The following MBD5 variants were observed in gnomAD, a reference collection of about 807,000 sequenced individuals.
MBD5 encodes the protein methyl-CpG-binding domain protein 5.
Under a neutral mutation model 117.3 loss-of-function variants are expected in MBD5, and 13 were observed. The ratio of observed to expected loss-of-function variants is 0.11; its 90% CI spans 0.07 to 0.18. MBD5 has a LOEUF of 0.18. Among genes scored for constraint, MBD5 ranks in the 10% least tolerant of loss-of-function variants. The pLI, the probability that MBD5 is intolerant of heterozygous loss-of-function variation, is 1.00. For synonymous variants in MBD5, 727 were observed against 766.4 expected (o/e 0.95, Z 0.85); for missense variants, 1,879 against 2,093.8 (o/e 0.90, Z 2.00).
intron 4 of MBD5, among the ~76,000 whole-genome samples, chr2:148,386,418 T>C (rs1282746530): frequency 2.0e-5 from 3 of 152,132 alleles, no homozygotes; most frequent in Admixed American, 6.5e-5. Flanking sequence ...ATTTAAAAGA[T>C]AAGAAGATAC....
chr2:148,106,151 G>A (rs995992934), intron 1 of MBD5, among the ~76,000 whole-genome samples: 1 of 151,908 alleles, frequency 6.6e-6, no homozygotes, highest in African/African-American at 2.4e-5. Flanking sequence ...TTTATATAAG[G>A]ATAATTGTTG....
chr2:148,111,730 A>T (rs1696507739), intron 1 of MBD5, among the ~76,000 whole-genome samples: 1 of 152,140 alleles, frequency 6.6e-6, no homozygotes, highest in South Asian at 2.1e-4. Context: ...CAAAAATTAT[A>T]GTATATATAC....
chr2:148,036,771 A>G (rs1431508372), intron 1 of MBD5, among the ~76,000 whole-genome samples: 1 of 152,068 alleles, frequency 6.6e-6, no homozygotes, highest in Non-Finnish European at 1.5e-5. Flanking sequence ...ATTAGTGAGC[A>G]ATGAGGTTTT....
chr2:148,464,021 G>A (rs1460242610), intron 7 of MBD5, 102 bp downstream of exon 7: 14 of 1,164,940 alleles, frequency 1.2e-5, no homozygotes, highest in East Asian at 2.5e-5. Flanking sequence ...TTTCAGGCAC[G>A]CACAATGCTT....
intron 1 of MBD5, among the ~76,000 whole-genome samples, chr2:148,037,478 T>C (rs1050818951): frequency 2.0e-5 from 3 of 152,022 alleles, no homozygotes; most frequent in African/African-American, 7.2e-5. Context: ...TATTTACATA[T>C]GCTTTTTTAA....
chr2:148,335,252 A>G (rs1332545716), intron 3 of MBD5, among the ~76,000 whole-genome samples: 2 of 152,174 alleles, frequency 1.3e-5, no homozygotes, highest in East Asian at 3.9e-4. Context: ...GTGGTGGCAC[A>G]TGCCTGTAGT....
At chr2:148,459,511 A>C (rs1240755771) in intron 5 of MBD5, among the ~76,000 whole-genome samples, 1 of 152,168 alleles carries the variant, frequency 6.6e-6, no homozygotes, top group African/African-American at 2.4e-5. Flanking sequence ...TTTTAGTCTT[A>C]CTCATTAAAT....
intron 1 of MBD5, among the ~76,000 whole-genome samples, chr2:148,043,288 T>A (rs1234422): frequency 0.13 from 20,176 of 149,692 alleles, 1,652 homozygotes; most frequent in Middle Eastern, 0.2. Flanking sequence ...AATAAAAAAA[T>A]AAATAAATAA....
chr2:148,284,910 C>T (rs531688831), intron 3 of MBD5, among the ~76,000 whole-genome samples: 101 of 152,312 alleles, frequency 6.6e-4, no homozygotes, highest in African/African-American at 2.4e-3. Context: ...TGTCTACCCA[C>T]ACTGCAATCT....
intron 3 of MBD5, among the ~76,000 whole-genome samples, chr2:148,333,739 TC>T (rs1702719799): frequency 1.3e-5 from 2 of 151,698 alleles, no homozygotes; most frequent in South Asian, 4.2e-4. Flanking sequence ...GTGTCTTTGG[TC>T]CCAGCTACTT....
chr2:148,497,057 T>C (rs555254671), intron 11 of MBD5, among the ~76,000 whole-genome samples: 2 of 151,626 alleles, frequency 1.3e-5, no homozygotes, highest in Admixed American at 1.3e-4. Flanking sequence ...TTTAAAAACA[T>C]ATATATTATT....
intron 1 of MBD5, among the ~76,000 whole-genome samples, chr2:148,077,366 G>A (rs1695534249): frequency 1.3e-5 from 2 of 152,182 alleles, no homozygotes; most frequent in Non-Finnish European, 2.9e-5. Context: ...TTAGGTAGCT[G>A]TGAGATGGCC....
intron 1 of MBD5, among the ~76,000 whole-genome samples, chr2:148,132,044 A>C (rs531136681): frequency 6.6e-6 from 1 of 152,104 alleles, no homozygotes; most frequent in Non-Finnish European, 1.5e-5. Context: ...TTGAGCTGCA[A>C]TTCTGCTCAT....
At chr2:148,310,018 T>C (rs1200413520) in intron 3 of MBD5, among the ~76,000 whole-genome samples, 1 of 152,178 alleles carries the variant, frequency 6.6e-6, no homozygotes, top group African/African-American at 2.4e-5. Flanking sequence ...GTGGATAAGC[T>C]CTTTGATGTG....
intron 1 of MBD5, among the ~76,000 whole-genome samples, chr2:148,127,134 AT>A (rs1696919596): frequency 6.6e-6 from 1 of 151,224 alleles, no homozygotes; most frequent in African/African-American, 2.4e-5. Context: ...TGCCTGGCTA[AT>A]TTTTTGTATT....
chr2:148,188,669 T>C (rs1698733117), intron 2 of MBD5, among the ~76,000 whole-genome samples: 1 of 123,620 alleles, frequency 8.1e-6, no homozygotes, highest in Non-Finnish European at 1.7e-5. Flanking sequence ...GGCAACAGTG[T>C]GAGACCCTGT....
In MBD5 at chr2:148,513,080, G is replaced by A. The variant is rs1574509755; in HGVS notation, c.*139G>A. On this transcript the variant is annotated 3_prime_UTR_variant, in exon 14 of 14. Coordinates refer to ENST00000642680, the MANE Select transcript of MBD5 (RefSeq NM_001378120.1). ...CTACCACCACCACAGGGTGCTAAAA[G>A]AAACAGTGATACAAAATTTTTTTGA... 3.4e-6 allele frequency: 3 copies of A among 878,428 alleles called. No individual in the cohort carries two copies. The highest frequency in any genetic ancestry group is 5.4e-6 in the Non-Finnish European group (3 of 558,214). The allele number at this position is 878,428 out of a possible 1,614,324, so 54.4% of individuals were successfully genotyped here. A position where few individuals can be genotyped will look rare whatever the true frequency, so the allele number is the denominator to read the frequency against.
At chr2:148,386,887 G>A (rs1704388155) in intron 4 of MBD5, among the ~76,000 whole-genome samples, 1 of 152,004 alleles carries the variant, frequency 6.6e-6, no homozygotes, top group African/African-American at 2.4e-5. Flanking sequence ...AAATGGTCCT[G>A]TAAATATTAA....
At chr2:148,034,679 A>G (rs1694138503) in intron 1 of MBD5, among the ~76,000 whole-genome samples, 1 of 152,204 alleles carries the variant, frequency 6.6e-6, no homozygotes, top group African/African-American at 2.4e-5. Context: ...TTCATATTTC[A>G]CTGCTTATAA....
Sources: gnomAD v4.1 joint callset for allele counts (sites outside exome capture counted in the v4.1 genomes callset) on GRCh38, gnomAD v4.1.1 for gene constraint, MANE v1.5 for transcripts, NCBI Gene and HGNC (gene_info 2026-07-23, HGNC 2026-07-21) for gene names.